PLPP1: variants seen among roughly 807,000 people sequenced by gnomAD.
PLPP1 encodes the protein lipid phosphate phosphohydrolase 1a.
PLPP1 carries 24 observed loss-of-function variants against 31.2 expected under a neutral mutation model. The ratio of observed to expected loss-of-function variants is 0.77; its 90% CI spans 0.56 to 1.08. The LOEUF is 1.08. Among genes scored for constraint, PLPP1 ranks in the 50% least tolerant of loss-of-function variants. PLPP1 has a pLI of 0.00. For synonymous variants in PLPP1, 146 were observed against 126.3 expected, an observed-to-expected ratio of 1.16 and a Z score of -1.05; for missense variants, 319 against 342.7, an observed-to-expected ratio of 0.93 and a Z score of 0.55.
intron 1 of PLPP1, among the ~76,000 whole-genome samples, chr5:55,507,622 G>A (rs1441357699): frequency 6.6e-6 from 1 of 152,098 alleles, no homozygotes; most frequent in Non-Finnish European, 1.5e-5. Flanking sequence ...AAGTTTAAAA[G>A]GTAAATATTA....
In PLPP1 at chr5:55,534,817, C is replaced by CG. The variant is rs1217358553; in HGVS notation, c.-189dup. ...CGCTCCCACCGCCAGCAATGGCGCCCGGGGCCCTCCCCTCACAGCCCCCGC... is the reference window on the plus strand; with the variant it reads ...CGCTCCCACCGCCAGCAATGGCGCCCGGGGGCCCTCCCCTCACAGCCCCCGC... On this transcript the variant is annotated 5_prime_UTR_variant, in exon 1 of 6. Transcript: ENST00000307259. 1 of 565,680 alleles carries CG rather than the reference C, an allele frequency of 1.8e-6. No individual in the cohort carries two copies. The highest frequency in any genetic ancestry group is 3.0e-6 in the Non-Finnish European group (1 of 333,682). The allele number at this position is 565,680 out of a possible 1,614,324, so 35.0% of individuals were successfully genotyped here.
Position 55,458,820 on chromosome 5 carries a change from A to G in PLPP1, c.491+9049T>C, listed in dbSNP as rs1195066943. Among the ~76,000 whole-genome samples the G allele has an allele frequency of 2.1e-5, 3 of 139,958 alleles. No homozygotes were observed. In the East Asian group the frequency reaches 6.9e-4, roughly 32 times the overall value. 91.8% of individuals were successfully genotyped at this position (139,958 alleles called of 152,430 possible). A position where few individuals can be genotyped will look rare whatever the true frequency, so the allele number is the denominator to read the frequency against. ...GGAGAATTGCTTGAACTCAGGAGGCAGAGGCTGCAGTGGGCCAAGATTATG... is the reference window on the plus strand; with the variant it reads ...GGAGAATTGCTTGAACTCAGGAGGCGGAGGCTGCAGTGGGCCAAGATTATG... On this transcript the variant is annotated intron_variant, in intron 3 of 5. Transcript: ENST00000307259.
intron 3 of PLPP1, among the ~76,000 whole-genome samples, chr5:55,456,477 T>A (rs1752012565): frequency 6.6e-6 from 1 of 152,222 alleles, no homozygotes; most frequent in East Asian, 1.9e-4. Context: ...AGCATCATAA[T>A]TTTATAATTA....
intron 1 of PLPP1, among the ~76,000 whole-genome samples, chr5:55,492,895 A>T (rs767156157): frequency 9.9e-5 from 15 of 152,204 alleles, no homozygotes; most frequent in Non-Finnish European, 2.2e-4. Context: ...AGAGTTAGGG[A>T]ATATACGGCC....
intron 1 of PLPP1, among the ~76,000 whole-genome samples, chr5:55,512,725 C>CACACACACACACACAT (rs1753464505): frequency 6.6e-6 from 1 of 150,712 alleles, no homozygotes. Flanking sequence ...TTATAAACTA[C>CACACACACACACACAT]ACACACACAC....
chr5:55,519,561 C>T (rs949332158), intron 1 of PLPP1, among the ~76,000 whole-genome samples: 5 of 151,880 alleles, frequency 3.3e-5, no homozygotes, highest in African/African-American at 1.2e-4. Flanking sequence ...CCACCCTGGC[C>T]CACATGGTGA....
intron 1 of PLPP1, among the ~76,000 whole-genome samples, chr5:55,512,735 C>CATACACACACAT (rs1485967660): frequency 2.0e-5 from 3 of 151,774 alleles, no homozygotes; most frequent in Non-Finnish European, 4.4e-5. Context: ...CACACACACA[C>CATACACACACAT]ACACACACCC....
In PLPP1 at chr5:55,459,570, T is replaced by C. The variant is rs144748350; in HGVS notation, c.491+8299A>G. 1.3e-3 allele frequency among the ~76,000 whole-genome samples: 204 copies of C among 152,256 alleles called. 2 individuals carry two copies. The Middle Eastern group carries it at 0.024, about 18-fold the overall frequency. On this transcript the variant is annotated intron_variant, in intron 3 of 5. Coordinates refer to ENST00000307259, the MANE Select transcript of PLPP1 (RefSeq NM_003711.4). ...CCCAGGGGGATGGGAATCAACTAAT[T>C]TGAAAGAATTCTAATCATATAAAGT...
chr5:55,463,127 T>G (rs1752203582), intron 3 of PLPP1, among the ~76,000 whole-genome samples: 1 of 151,864 alleles, frequency 6.6e-6, no homozygotes, highest in African/African-American at 2.4e-5. Context: ...AAGTGGGAGT[T>G]GAACAATGAG....
chr5:55,471,346 C>T (rs934700686), intron 2 of PLPP1, among the ~76,000 whole-genome samples: 5 of 152,008 alleles, frequency 3.3e-5, no homozygotes, highest in African/African-American at 1.2e-4. Context: ...GGATTACAGG[C>T]ACCCACCACC....
At chr5:55,485,558 T>C (rs1379759404) in intron 1 of PLPP1, among the ~76,000 whole-genome samples, 4 of 151,608 alleles carry the variant, frequency 2.6e-5, no homozygotes, top group Non-Finnish European at 5.9e-5. Flanking sequence ...TAAAAATGGG[T>C]ATATAGTTAA....
intron 4 of PLPP1, among the ~76,000 whole-genome samples, chr5:55,427,480 G>A (rs1401976350): frequency 2.6e-5 from 4 of 152,082 alleles, no homozygotes; most frequent in African/African-American, 9.7e-5. Flanking sequence ...TTCAAGCTGT[G>A]AAAAAAGTAA....
chr5:55,428,821 T>A (rs1012451414), intron 4 of PLPP1, among the ~76,000 whole-genome samples: 1 of 152,190 alleles, frequency 6.6e-6, no homozygotes, highest in Admixed American at 6.5e-5. Context: ...TTAAACCCAT[T>A]CTAGGTAAGG....
At chr5:55,430,886 CCAAAGA>C (rs1375108406) in intron 4 of PLPP1, among the ~76,000 whole-genome samples, 1 of 151,612 alleles carries the variant, frequency 6.6e-6, no homozygotes, top group Non-Finnish European at 1.5e-5. Flanking sequence ...GAGAAAATTC[CCAAAGA>C]CATAGATATA....
In PLPP1 at chr5:55,447,103, T is replaced by G. The variant is rs1034330981; in HGVS notation, c.492-5195A>C. Among the ~76,000 whole-genome samples, 10 of 152,256 alleles carry G rather than the reference T, an allele frequency of 6.6e-5. No homozygotes were observed. The East Asian group carries it at 1.9e-3, about 29-fold the overall frequency. On this transcript the variant is annotated intron_variant, in intron 3 of 5. Transcript: ENST00000307259. ...ATTTAAGATACAGTATACACAAGTG[T>G]GTGTGTAACGTATCATGTAGCACGT...
chr5:55,429,976 C>A (rs1751307756), intron 4 of PLPP1, among the ~76,000 whole-genome samples: 2 of 152,184 alleles, frequency 1.3e-5, no homozygotes, highest in African/African-American at 4.8e-5. Context: ...CCACCTACCC[C>A]TATGCCCAAG....
Position 55,534,776 on chromosome 5 carries a change from G to A in PLPP1, c.-147C>T, listed in dbSNP as rs1337268116. ...CGGAGGAGGAGAGCAGCCGAGGGCG[G>A]GCTGAGACCGGGCGGCGCTCCCACC... is the stretch of plus-strand genomic sequence containing the variant. On this transcript the variant is annotated 5_prime_UTR_variant, in exon 1 of 6. Coordinates refer to ENST00000307259, the MANE Select transcript of PLPP1 (RefSeq NM_003711.4). 4 of 806,078 alleles carry A rather than the reference G, an allele frequency of 5.0e-6. No homozygotes were observed. Among genetic ancestry groups the A allele is most frequent in the Admixed American group, 3.8e-5 (1 of 26,436 alleles). The allele number at this position is 806,078 out of a possible 1,614,324, so 49.9% of individuals were successfully genotyped here.
At chr5:55,448,757 A>G (rs1751828020) in intron 3 of PLPP1, among the ~76,000 whole-genome samples, 1 of 152,156 alleles carries the variant, frequency 6.6e-6, no homozygotes, top group South Asian at 2.1e-4. Context: ...CGATTCTACT[A>G]GCATTATTCT....
chr5:55,531,676 A>C (rs1040356380), intron 1 of PLPP1, among the ~76,000 whole-genome samples: 1 of 152,232 alleles, frequency 6.6e-6, no homozygotes, highest in Admixed American at 6.5e-5. Flanking sequence ...TTAGGCTACC[A>C]ATCTCCTGCT....
Sources: gnomAD v4.1 joint callset for allele counts (sites outside exome capture counted in the v4.1 genomes callset) on GRCh38, gnomAD v4.1.1 for gene constraint, MANE v1.5 for transcripts, NCBI Gene and HGNC (gene_info 2026-07-23, HGNC 2026-07-21) for gene names.